TGFBR3: variants seen among roughly 807,000 people sequenced by gnomAD.
TGFBR3 encodes transforming growth factor beta receptor type 3.
A neutral mutation model predicts 87.9 loss-of-function variants in TGFBR3; 46 were observed. That is an observed-to-expected ratio of 0.52 (90% CI 0.41 to 0.67). The LOEUF (loss-of-function observed/expected upper bound fraction) is 0.67. TGFBR3 is among the 30% of genes least tolerant of loss of function. The pLI is 0.00. For synonymous variants in TGFBR3, 381 were observed against 391.6 expected (o/e 0.97, Z 0.32); for missense variants, 866 against 1,041.9 (o/e 0.83, Z 2.32).
At chr1:91,879,581 T>C (rs993990844) in intron 1 of TGFBR3, among the ~76,000 whole-genome samples, 1 of 152,102 alleles carries the variant, frequency 6.6e-6, no homozygotes, top group Non-Finnish European at 1.5e-5. Context: ...AACTGAAGAA[T>C]AAAAAATGAA....
chr1:91,893,424 C>T (rs906021233), intron 2 of TGFBR3, among the ~76,000 whole-genome samples: 7 of 152,034 alleles, frequency 4.6e-5, no homozygotes, highest in Admixed American at 2.0e-4. Flanking sequence ...GCTGGGATTA[C>T]AGGCACGTAC....
chr1:91,847,179 C>T (rs1418651223), intron 2 of TGFBR3, among the ~76,000 whole-genome samples: 1 of 152,178 alleles, frequency 6.6e-6, no homozygotes, highest in East Asian at 1.9e-4. Context: ...CTTAAATATT[C>T]TCAGTCTTAT....
chr1:91,837,658 A>G (rs1259775228), intron 2 of TGFBR3, among the ~76,000 whole-genome samples: 1 of 152,254 alleles, frequency 6.6e-6, no homozygotes, highest in East Asian at 1.9e-4. Flanking sequence ...AAATATTCAC[A>G]TAAGTTTACA....
At chr1:91,734,042 A>G (rs1352776669) in intron 5 of TGFBR3, among the ~76,000 whole-genome samples, 1 of 20,218 alleles carries the variant, frequency 4.9e-5, no homozygotes, top group African/African-American at 1.7e-4. Flanking sequence ...TGAAGGAAGG[A>G]AGGGAGGGAG....
At chr1:91,857,628 A>G (rs1421714026) in intron 2 of TGFBR3, among the ~76,000 whole-genome samples, 1 of 152,218 alleles carries the variant, frequency 6.6e-6, no homozygotes, top group Non-Finnish European at 1.5e-5. Flanking sequence ...TAAATAAAGT[A>G]CAAGCAACTC....
intron 2 of TGFBR3, among the ~76,000 whole-genome samples, chr1:91,831,180 G>A (rs1238186202): frequency 6.6e-6 from 1 of 152,024 alleles, no homozygotes; most frequent in African/African-American, 2.4e-5. Flanking sequence ...ACTCTGCAAA[G>A]TACAGCTTCT....
At chr1:91,688,742 T>C (rs952778289) in intron 16 of TGFBR3, among the ~76,000 whole-genome samples, 1 of 152,072 alleles carries the variant, frequency 6.6e-6, no homozygotes, top group Non-Finnish European at 1.5e-5. Flanking sequence ...AAAGCAAAAG[T>C]CAAGCGCATA....
At chr1:91,716,153 C>A in intron 12 of TGFBR3, 83 bp downstream of exon 12, 2 of 1,547,416 alleles carry the variant, frequency 1.3e-6, no homozygotes, top group Non-Finnish European at 1.8e-6. Flanking sequence ...AGGAAGAGGT[C>A]TGTACAGGGT....
intron 1 of TGFBR3, among the ~76,000 whole-genome samples, chr1:91,867,716 G>T (rs1678438425): frequency 6.6e-6 from 1 of 152,196 alleles, no homozygotes; most frequent in Middle Eastern, 3.4e-3. Context: ...CATTTATAAG[G>T]GTGTCTGCTT....
At chr1:91,733,922 C>T (rs1672860015) in intron 5 of TGFBR3, among the ~76,000 whole-genome samples, 1 of 151,906 alleles carries the variant, frequency 6.6e-6, no homozygotes, top group Non-Finnish European at 1.5e-5. Context: ...GTAGTCCCAG[C>T]TTCTTGGGAG....
chr1:91,755,953 A>G (rs1673726016), intron 4 of TGFBR3, among the ~76,000 whole-genome samples: 1 of 152,226 alleles, frequency 6.6e-6, no homozygotes, highest in Non-Finnish European at 1.5e-5. Flanking sequence ...CTAGAAATAA[A>G]TAAGAGCAGC....
chr1:91,870,280 A>G (rs1477369437), intron 1 of TGFBR3, among the ~76,000 whole-genome samples: 7 of 152,244 alleles, frequency 4.6e-5, no homozygotes, highest in Admixed American at 2.0e-4. Context: ...ATCCCATCCT[A>G]CTGTGAACAT....
At chr1:91,758,425 G>T (rs1346313014) in intron 4 of TGFBR3, among the ~76,000 whole-genome samples, 188 bp downstream of exon 4, 1 of 152,142 alleles carries the variant, frequency 6.6e-6, no homozygotes, top group Non-Finnish European at 1.5e-5. Flanking sequence ...GGGCAGGTGT[G>T]TCTGCTTTCT....
rs779052939 is a variant in TGFBR3 at position 91,801,243 on chromosome 1, T to TTAA, written c.62-3773_62-3772insTTA. On this transcript the variant is annotated intron_variant, in intron 2 of 16. Coordinates refer to ENST00000212355, the MANE Select transcript of TGFBR3 (RefSeq NM_003243.5). ...AGTAAGCTCAATGTGCTTAAGTAAC[T>TTAA]GTTTCAAGGTTGCCCCAGTCACCCA... is the stretch of plus-strand genomic sequence containing the variant. Among the ~76,000 whole-genome samples, 444 of 152,296 alleles carry TTAA rather than the reference T, an allele frequency of 2.9e-3. 3 individuals are homozygous for TTAA. Among genetic ancestry groups the TTAA allele is most frequent in the Non-Finnish European group, 3.1e-3 (212 of 68,026 alleles).
chr1:91,797,057 T>G (rs1675414123), intron 3 of TGFBR3, among the ~76,000 whole-genome samples: 4 of 152,088 alleles, frequency 2.6e-5, no homozygotes, highest in Admixed American at 2.6e-4. Context: ...CTTATGAACG[T>G]TTTTTTCCAA....
intron 5 of TGFBR3, among the ~76,000 whole-genome samples, chr1:91,730,449 A>T (rs1316282198): frequency 6.6e-6 from 1 of 151,920 alleles, no homozygotes; most frequent in Admixed American, 6.6e-5. Context: ...TTTCTATCTC[A>T]TTCTTTTTCT....
rs148761607 is a variant in TGFBR3 at position 91,707,206 on chromosome 1, C to T, written c.2287+1457G>A. 2.9e-3 allele frequency among the ~76,000 whole-genome samples: 435 copies of T among 152,296 alleles called. 1 individual carries two copies. Among genetic ancestry groups the T allele is most frequent in the African/African-American group, 1.0e-2 (415 of 41,566 alleles). The stretch of plus-strand genomic sequence containing the variant: ...GTGGTAGGGGGGTTCTCCAATGTCC[C>T]ACAGCCAGTTAGCAGAGAAAGCTAA... On this transcript the variant is annotated intron_variant, in intron 14 of 16. Transcript: ENST00000212355.
At chr1:91,853,941 G>A (rs1181068523) in intron 2 of TGFBR3, among the ~76,000 whole-genome samples, 2 of 152,222 alleles carry the variant, frequency 1.3e-5, no homozygotes, top group Non-Finnish European at 2.9e-5. Context: ...CCCGGGAGGC[G>A]GAGGTTGCAG....
At chr1:91,720,353 A>G in intron 8 of TGFBR3, 123 bp from the exon 9 acceptor site, 1 of 929,984 alleles carries the variant, frequency 1.1e-6, no homozygotes, top group Non-Finnish European at 1.7e-6. Context: ...TTTAATAAGC[A>G]GTGCATAAAG....
Sources: allele counts gnomAD v4.1 joint callset (sites outside exome capture counted in the v4.1 genomes callset), GRCh38; gene constraint gnomAD v4.1.1; transcripts MANE v1.5; gene names NCBI Gene and HGNC (gene_info 2026-07-23, HGNC 2026-07-21).